The following CTDSPL2 variants were observed in gnomAD, a reference collection of about 807,000 sequenced individuals.
The protein encoded by CTDSPL2 is CTD small phosphatase like 2.
CTDSPL2 carries 5 observed loss-of-function variants against 60.0 expected under a neutral mutation model. That is an observed-to-expected ratio of 0.08 (90% CI 0.04 to 0.18). CTDSPL2 has a LOEUF of 0.18. Among genes scored for constraint, CTDSPL2 ranks in the 10% least tolerant of loss-of-function variants. CTDSPL2 has a pLI of 1.00. For missense variants in CTDSPL2, 370 were observed against 548.8 expected (o/e 0.67, Z 3.26); for synonymous variants, 186 against 189.3 (o/e 0.98, Z 0.14).
chr15:44,454,031 C>T (rs958407621), intron 1 of CTDSPL2, among the ~76,000 whole-genome samples: 2 of 152,228 alleles, frequency 1.3e-5, no homozygotes, highest in East Asian at 1.9e-4. Flanking sequence ...AACTAGTTTA[C>T]AGTCCCAGCA....
At chr15:44,494,184 T>C (rs2140814687) in intron 5 of CTDSPL2, among the ~76,000 whole-genome samples, 1 of 152,328 alleles carries the variant, frequency 6.6e-6, no homozygotes, top group East Asian at 1.9e-4. Flanking sequence ...CTTGGAAAAT[T>C]CCCAGCATAA....
At chr15:44,502,113 G>T (rs2081390559) in intron 8 of CTDSPL2, 1 of 343,012 alleles carries the variant, frequency 2.9e-6, no homozygotes. Flanking sequence ...GTAGAAATCT[G>T]TAAAGTACTG....
At chr15:44,510,802 A>G (rs1033691362) in intron 8 of CTDSPL2, among the ~76,000 whole-genome samples, 1 of 152,210 alleles carries the variant, frequency 6.6e-6, no homozygotes, top group African/African-American at 2.4e-5. Flanking sequence ...CTGTTTTTGT[A>G]TCTCTGACCT....
chr15:44,486,262 T>A (rs1323949630), intron 3 of CTDSPL2, among the ~76,000 whole-genome samples: 4 of 152,240 alleles, frequency 2.6e-5, no homozygotes, highest in Admixed American at 2.6e-4. Flanking sequence ...TTTCTTCATT[T>A]TGTGTTATAC....
At chr15:44,522,908 G>T (rs759017312) in intron 12 of CTDSPL2, among the ~76,000 whole-genome samples, 22 of 152,178 alleles carry the variant, frequency 1.4e-4, no homozygotes, top group Non-Finnish European at 2.8e-4. Flanking sequence ...GTAGAAAGTA[G>T]AATTCCCTTT....
intron 2 of CTDSPL2, among the ~76,000 whole-genome samples, chr15:44,480,528 A>G (rs1033938925): frequency 2.0e-5 from 3 of 152,100 alleles, no homozygotes; most frequent in Non-Finnish European, 4.4e-5. Context: ...TATATTTAAG[A>G]ACACCTTCCC....
chr15:44,444,836 GTTTTTTTTTTTTTTTTTT>G (rs35160726), intron 1 of CTDSPL2, among the ~76,000 whole-genome samples: 4 of 69,614 alleles, frequency 5.7e-5, no homozygotes, highest in East Asian at 6.2e-4. Context: ...ATGGAATGTA[GTTTTTTTTTTTTTTTTTT>G]TTTTTTTTTT....
At chr15:44,504,584 AC>A (rs2081428311) in intron 8 of CTDSPL2, among the ~76,000 whole-genome samples, 2 of 152,208 alleles carry the variant, frequency 1.3e-5, no homozygotes, top group African/African-American at 4.8e-5. Flanking sequence ...CCTAAAAAAA[AC>A]TTTTGAGGCC....
At chr15:44,444,215 A>G (rs548987587) in intron 1 of CTDSPL2, among the ~76,000 whole-genome samples, 5 of 151,136 alleles carry the variant, frequency 3.3e-5, no homozygotes, top group African/African-American at 1.2e-4. Context: ...TTGACACCCA[A>G]TTTATCTGTT....
intron 1 of CTDSPL2, among the ~76,000 whole-genome samples, chr15:44,450,049 T>A (rs2080303699): frequency 6.6e-6 from 1 of 152,058 alleles, no homozygotes; most frequent in Non-Finnish European, 1.5e-5. Flanking sequence ...TCCTTATGTC[T>A]CCTTAAGCAT....
chr15:44,501,877 G>T, intron 8 of CTDSPL2: 1 of 397,372 alleles, frequency 2.5e-6, no homozygotes, highest in Non-Finnish European at 4.9e-6. Flanking sequence ...AAAAATAAAT[G>T]AAGAAATCTT....
At chr15:44,449,852 A>G (rs865904883) in intron 1 of CTDSPL2, among the ~76,000 whole-genome samples, 1 of 152,026 alleles carries the variant, frequency 6.6e-6, no homozygotes, top group African/African-American at 2.4e-5. Context: ...TTTGCCAGGC[A>G]TGGTGGTACA....
intron 8 of CTDSPL2, among the ~76,000 whole-genome samples, chr15:44,513,063 C>T (rs1228465094): frequency 2.8e-5 from 4 of 145,150 alleles, no homozygotes; most frequent in Non-Finnish European, 6.0e-5. Flanking sequence ...AAGAGCAAGA[C>T]TCCTTCTCAA....
At chr15:44,505,594 C>T (rs1046496035) in intron 8 of CTDSPL2, among the ~76,000 whole-genome samples, 2 of 151,862 alleles carry the variant, frequency 1.3e-5, no homozygotes, top group South Asian at 2.1e-4. Context: ...ATTAGCTGGG[C>T]GTGGTGGCAG....
chr15:44,429,297 T>C (rs1595681554), intron 1 of CTDSPL2, among the ~76,000 whole-genome samples: 1 of 152,160 alleles, frequency 6.6e-6, no homozygotes, highest in Admixed American at 6.6e-5. Flanking sequence ...ATAGTGGAGG[T>C]ACAGGCACGT....
chr15:44,507,667 A>C lies in CTDSPL2; in HGVS notation c.970-6931A>C, dbSNP rs149681980. ...TATTGATGCTAAGAACATGTGAACT[A>C]AATTAAACAGTTTACTGAAACAGTT... On this transcript the variant is annotated intron_variant, in intron 8 of 12. Coordinates refer to ENST00000260327, the MANE Select transcript of CTDSPL2 (RefSeq NM_016396.3). Among the ~76,000 whole-genome samples, 522 of 152,308 alleles carry C rather than the reference A, an allele frequency of 3.4e-3. 8 individuals carry two copies. Among genetic ancestry groups the C allele is most frequent in the Admixed American group, 0.032 (486 of 15,290 alleles).
At chr15:44,432,846 GC>G (rs1247870480) in intron 1 of CTDSPL2, among the ~76,000 whole-genome samples, 1 of 151,606 alleles carries the variant, frequency 6.6e-6, no homozygotes, top group East Asian at 1.9e-4. Flanking sequence ...GTCTCGAACT[GC>G]TGACCTCAGG....
intron 8 of CTDSPL2, among the ~76,000 whole-genome samples, chr15:44,511,866 G>A (rs1595775332): frequency 7.1e-5 from 4 of 56,684 alleles, no homozygotes; most frequent in Admixed American, 2.4e-4. Flanking sequence ...AGACGGTCTC[G>A]CAAAAAAAAA....
chr15:44,500,455 TTAA>T (rs1197831776), intron 8 of CTDSPL2, among the ~76,000 whole-genome samples: 1 of 152,214 alleles, frequency 6.6e-6, no homozygotes, highest in African/African-American at 2.4e-5. Flanking sequence ...TAAGATTGAG[TTAA>T]TAATATAAGT....
Sources: allele counts gnomAD v4.1 joint callset (sites outside exome capture counted in the v4.1 genomes callset), GRCh38; gene constraint gnomAD v4.1.1; transcripts MANE v1.5; gene names NCBI Gene and HGNC (gene_info 2026-07-23, HGNC 2026-07-21).